PTPRG: variants seen among roughly 807,000 people sequenced by gnomAD.
PTPRG encodes the protein protein tyrosine phosphatase receptor type G, also known as receptor-type tyrosine-protein phosphatase gamma.
Under a neutral mutation model 165.3 loss-of-function variants are expected in PTPRG, and 102 were observed. The ratio of observed to expected loss-of-function variants is 0.62; its 90% CI spans 0.53 to 0.73. PTPRG has a LOEUF of 0.73. PTPRG is among the 30% of genes least tolerant of loss of function. PTPRG has a pLI of 0.00. For synonymous variants in PTPRG, 675 were observed against 669.5 expected, an observed-to-expected ratio of 1.01 and a Z score of -0.13; for missense variants, 1,866 against 1,861.4, an observed-to-expected ratio of 1.00 and a Z score of -0.05.
At chr3:62,132,541 C>G in intron 5 of PTPRG, 61 bp from the exon 6 acceptor site, 1 of 1,328,798 alleles carries the variant, frequency 7.5e-7, no homozygotes, top group East Asian at 2.3e-5. Flanking sequence ...GAAGATTAAA[C>G]TGAGACTGTT....
intron 1 of PTPRG, among the ~76,000 whole-genome samples, chr3:61,720,418 C>T (rs909167112): frequency 1.3e-5 from 2 of 152,206 alleles, no homozygotes; most frequent in Non-Finnish European, 2.9e-5. Context: ...GCCACCACTC[C>T]CGGCCAACGG....
chr3:62,264,987 A>C (rs1701819198), intron 17 of PTPRG, among the ~76,000 whole-genome samples: 1 of 151,512 alleles, frequency 6.6e-6, no homozygotes, highest in South Asian at 2.1e-4. Flanking sequence ...CAGCCTTCCT[A>C]ACCGGTATGA....
At chr3:61,963,785 G>T (rs804412) in intron 2 of PTPRG, among the ~76,000 whole-genome samples, 5,207 of 152,044 alleles carry the variant, frequency 0.034, 116 homozygotes, top group Middle Eastern at 0.054. Flanking sequence ...CCTTGATCTG[G>T]GCTTGTCCTT....
At chr3:62,120,609 A>G (rs1234824208) in intron 5 of PTPRG, among the ~76,000 whole-genome samples, 1 of 151,850 alleles carries the variant, frequency 6.6e-6, no homozygotes, top group Non-Finnish European at 1.5e-5. Flanking sequence ...AAATTAGCCA[A>G]GAATGGTGGC....
chr3:61,973,562 T>C (rs1352183586), intron 2 of PTPRG, among the ~76,000 whole-genome samples: 1 of 152,174 alleles, frequency 6.6e-6, no homozygotes, highest in Non-Finnish European at 1.5e-5. Flanking sequence ...CCAGATGCGG[T>C]GGCTCATACC....
intron 1 of PTPRG, among the ~76,000 whole-genome samples, chr3:61,594,720 G>A (rs1242128782): frequency 1.3e-5 from 2 of 152,132 alleles, no homozygotes; most frequent in Non-Finnish European, 2.9e-5. Flanking sequence ...TGCCAGTGGC[G>A]CCGACATCCA....
rs1559660216 is a variant in PTPRG at position 61,871,170 on chromosome 3, GTTATGTTATGTTATGTTATGTTA to G, written c.191-118453_191-118431del. Among the ~76,000 whole-genome samples the G allele has an allele frequency of 3.3e-3, 218 of 66,406 alleles. 2 individuals are homozygous for G. The highest frequency in any genetic ancestry group is 9.0e-3 in the African/African-American group (185 of 20,494). The allele number at this position is 66,406 out of a possible 152,430, so 43.6% of individuals were successfully genotyped here. On this transcript the variant is annotated intron_variant, in intron 2 of 29. Coordinates refer to ENST00000474889, the MANE Select transcript of PTPRG (RefSeq NM_002841.4). Reference sequence around the variant, plus strand: ...GTTGTGTTGTGTTGTGTTGTGTTATGTTATGTTATGTTATGTTATGTTATGTTATGTTATGTTATGTTATGTTA... The same window carrying G: ...GTTGTGTTGTGTTGTGTTGTGTTATGTGTTATGTTATGTTATGTTATGTTA...
intron 1 of PTPRG, among the ~76,000 whole-genome samples, chr3:61,597,171 A>G (rs903781113): frequency 6.6e-6 from 1 of 152,196 alleles, no homozygotes; most frequent in Non-Finnish European, 1.5e-5. Context: ...TCATGAGGGC[A>G]GTGCTCCCAT....
Position 61,778,991 on chromosome 3 carries a change from T to C in PTPRG, c.190+30009T>C, listed in dbSNP as rs569575850. On this transcript the variant is annotated intron_variant, in intron 2 of 29. Transcript: ENST00000474889. The stretch of plus-strand genomic sequence containing the variant: ...GAAGGAGCTGGATCCTGCAGAGTCA[T>C]GTAGGATGCATTAAAGACAATAAAA... Among the ~76,000 whole-genome samples the C allele has an allele frequency of 9.2e-5, 14 of 152,182 alleles. No homozygotes were observed. The East Asian group carries it at 1.2e-3, about 13-fold the overall frequency.
intron 2 of PTPRG, among the ~76,000 whole-genome samples, chr3:61,820,614 T>C (rs959634158): frequency 6.8e-6 from 1 of 147,352 alleles, no homozygotes; most frequent in Non-Finnish European, 1.5e-5. Context: ...TTTTTTTTTT[T>C]TTTTTTTTTT....
chr3:61,929,767 G>A (rs1397679696), intron 2 of PTPRG, among the ~76,000 whole-genome samples: 2 of 152,208 alleles, frequency 1.3e-5, no homozygotes, highest in African/African-American at 2.4e-5. Flanking sequence ...GAGCAAGAGC[G>A]AGCAGTGGGT....
In PTPRG at chr3:61,799,658, C is replaced by T. The variant is rs1461506093; in HGVS notation, c.190+50676C>T. Reference sequence around the variant, plus strand: ...AAGTGCCATTTTGATCACAACCTATCAAAGGTACTTGTTTTCAACACAATT... The same window carrying T: ...AAGTGCCATTTTGATCACAACCTATTAAAGGTACTTGTTTTCAACACAATT... On this transcript the variant is annotated intron_variant, in intron 2 of 29. Coordinates refer to ENST00000474889, the MANE Select transcript of PTPRG (RefSeq NM_002841.4). 4.6e-5 allele frequency among the ~76,000 whole-genome samples: 7 copies of T among 152,294 alleles called. No individual in the cohort carries two copies. In the South Asian group the frequency reaches 1.2e-3, roughly 27 times the overall value.
In PTPRG at chr3:62,195,523, G is replaced by A. The variant is rs558199459; in HGVS notation, c.1327+353G>A. 2.6e-4 allele frequency among the ~76,000 whole-genome samples: 40 copies of A among 152,152 alleles called. No individual in the cohort carries two copies. Among genetic ancestry groups the A allele is most frequent in the African/African-American group, 8.0e-4 (33 of 41,500 alleles). ...TGAATATCCTCTTTGTCTTTCTAAC[G>A]TGATTCAGTTAGCTGTTCTCTCAAA... On this transcript the variant is annotated intron_variant, in intron 10 of 29. Coordinates refer to ENST00000474889, the MANE Select transcript of PTPRG (RefSeq NM_002841.4). This position sits in a 1 kb window ranked among gnomAD's most constrained non-coding sequence, Gnocchi z 4.4.
At chr3:62,124,244 G>T (rs866511139) in intron 5 of PTPRG, 3 of 1,279,594 alleles carry the variant, frequency 2.3e-6, no homozygotes, top group Non-Finnish European at 3.4e-6. Context: ...CATTAACTCC[G>T]AAGGGAATTC....
chr3:62,084,730 A>G (rs1162137120), intron 5 of PTPRG, among the ~76,000 whole-genome samples: 1 of 152,074 alleles, frequency 6.6e-6, no homozygotes, highest in African/African-American at 2.4e-5. Context: ...CTTCCCCACC[A>G]TAGGTAGATA....
chr3:62,297,273 G>A lies in PTPRG; in HGVS notation c.*3966G>A, dbSNP rs1179619411. ...ATGTGAATTCAACTTTCTGTGTATTGAAGTAGCAAAAACCATCTTTACATT... is the reference window on the plus strand; with the variant it reads ...ATGTGAATTCAACTTTCTGTGTATTAAAGTAGCAAAAACCATCTTTACATT... On this transcript the variant is annotated 3_prime_UTR_variant, in exon 30 of 30. Coordinates refer to ENST00000474889, the MANE Select transcript of PTPRG (RefSeq NM_002841.4). 1 of 151,672 alleles carries A rather than the reference G, an allele frequency of 6.6e-6. No homozygotes were observed. The highest frequency in any genetic ancestry group is 1.9e-4 in the East Asian group (1 of 5,184). 9.4% of individuals were successfully genotyped at this position (151,672 alleles called of 1,614,324 possible).
At chr3:61,922,824 A>T (rs938755074) in intron 2 of PTPRG, among the ~76,000 whole-genome samples, 3 of 152,124 alleles carry the variant, frequency 2.0e-5, no homozygotes, top group Admixed American at 2.0e-4. Flanking sequence ...TATTTTTGGT[A>T]AAGACAGAGT....
chr3:62,036,063 C>T (rs74725915), intron 4 of PTPRG, among the ~76,000 whole-genome samples: 86 of 150,064 alleles, frequency 5.7e-4, no homozygotes, highest in Non-Finnish European at 1.1e-3. Flanking sequence ...AAAAAAAAAT[C>T]CTGCCACTGT....
intron 2 of PTPRG, among the ~76,000 whole-genome samples, chr3:61,947,748 G>A (rs2039797518): frequency 6.6e-6 from 1 of 152,158 alleles, no homozygotes; most frequent in African/African-American, 2.4e-5. Flanking sequence ...TAGTTGCAAT[G>A]CCAAAGGAAC....
Sources: gnomAD v4.1 joint callset for allele counts (sites outside exome capture counted in the v4.1 genomes callset) on GRCh38, gnomAD v4.1.1 for gene constraint, Gnocchi (gnomAD v3.1) non-coding constraint, MANE v1.5 for transcripts, NCBI Gene and HGNC (gene_info 2026-07-23, HGNC 2026-07-21) for gene names.